KLHL13: variants seen among roughly 807,000 people sequenced by gnomAD.
The protein encoded by KLHL13 is kelch-like protein 13.
Under a neutral mutation model 37.1 loss-of-function variants are expected in KLHL13, and 10 were observed. That is an observed-to-expected ratio of 0.27 (90% confidence interval 0.17 to 0.46). KLHL13 has a LOEUF of 0.46. KLHL13 is among the 20% of genes least tolerant of loss of function. The pLI, the probability that KLHL13 is intolerant of heterozygous loss-of-function variation, is 1.00. For missense variants in KLHL13, 360 were observed against 509.3 expected (o/e 0.71, Z 2.82); for synonymous variants, 163 against 181.2 (o/e 0.90, Z 0.81).
intron 1 of KLHL13, among the ~76,000 whole-genome samples, chrX:118,036,349 C>G (rs188415991): frequency 3.6e-5 from 4 of 112,166 alleles, no homozygotes; most frequent in Admixed American, 2.8e-4. Context: ...AACTATACTA[C>G]AAGGCTACAG....
At chrX:118,046,433 T>C (rs758701954) in intron 1 of KLHL13, among the ~76,000 whole-genome samples, 9 of 111,818 alleles carry the variant, frequency 8.0e-5, no homozygotes, top group Non-Finnish European at 1.3e-4. Flanking sequence ...GGTTAATGAG[T>C]ACAAAACTAC....
intron 1 of KLHL13, among the ~76,000 whole-genome samples, chrX:118,108,441 T>C (rs2055369516): frequency 8.9e-6 from 1 of 112,390 alleles, no homozygotes; most frequent in African/African-American, 3.2e-5. Flanking sequence ...TTCACTTGCC[T>C]TTTTCTTCTT....
intron 1 of KLHL13, among the ~76,000 whole-genome samples, chrX:118,024,429 T>G (rs1264547646): frequency 9.0e-6 from 1 of 111,668 alleles, no homozygotes; most frequent in African/African-American, 3.3e-5. Flanking sequence ...AAAGAACTAC[T>G]GCTCATCAAA....
intron 1 of KLHL13, among the ~76,000 whole-genome samples, chrX:118,068,495 G>A (rs187156795): frequency 4.5e-5 from 5 of 111,007 alleles, no homozygotes; most frequent in Non-Finnish European, 9.5e-5. Flanking sequence ...GATAACCTGG[G>A]AACCAGAAGG....
intron 1 of KLHL13, among the ~76,000 whole-genome samples, chrX:118,087,345 A>AGAT (rs1437498351): frequency 9.1e-6 from 1 of 110,037 alleles, no homozygotes; most frequent in African/African-American, 3.3e-5. Flanking sequence ...CCGAGGTGAC[A>AGAT]TCTAACTCTT....
chrX:118,031,341 T>C (rs1486498526), intron 1 of KLHL13, among the ~76,000 whole-genome samples: 1 of 105,632 alleles, frequency 9.5e-6, no homozygotes, highest in Non-Finnish European at 1.9e-5. Flanking sequence ...CTCTTTTTCA[T>C]GAAGTTAGGA....
intron 1 of KLHL13, among the ~76,000 whole-genome samples, chrX:118,068,595 C>G (rs927553691): frequency 9.0e-6 from 1 of 110,786 alleles, no homozygotes; most frequent in African/African-American, 3.3e-5. Context: ...TACTGGGGTC[C>G]CCTGCAGTCC....
In KLHL13 at chrX:117,947,028, G is replaced by T. The variant is rs376074224; in HGVS notation, c.99-1453C>A. Reference sequence around the variant, plus strand: ...TCTGATAGATATTTAATAAAGAAGAGAATAACTTAAGATTTTAAAAAGCAT... The same window carrying T: ...TCTGATAGATATTTAATAAAGAAGATAATAACTTAAGATTTTAAAAAGCAT... On this transcript the variant is annotated intron_variant, in intron 1 of 6. Transcript: ENST00000262820. 34 of 111,908 alleles carry T rather than the reference G, an allele frequency of 3.0e-4. No homozygotes were observed. The East Asian group carries it at 5.3e-3, about 17-fold the overall frequency. 9.2% of individuals were successfully genotyped at this position (111,908 alleles called of 1,213,427 possible).
intron 2 of KLHL13, among the ~76,000 whole-genome samples, chrX:117,930,697 C>T (rs985829384): frequency 1.8e-5 from 2 of 111,455 alleles, no homozygotes; most frequent in Non-Finnish European, 3.8e-5. Context: ...TAAAGATGCA[C>T]AGTCAATTCG....
At chrX:118,052,613 G>T (rs1222754601) in intron 1 of KLHL13, among the ~76,000 whole-genome samples, 1 of 108,776 alleles carries the variant, frequency 9.2e-6, no homozygotes, top group Non-Finnish European at 1.9e-5. Flanking sequence ...AGATCATGAG[G>T]TCAGGAGTTT....
At chrX:117,951,381 A>G (rs1476537993) in intron 1 of KLHL13, among the ~76,000 whole-genome samples, 2 of 112,068 alleles carry the variant, frequency 1.8e-5, no homozygotes, top group African/African-American at 6.5e-5. Flanking sequence ...TTTCTTTTTC[A>G]AATACCAACA....
chrX:117,933,990 T>A (rs755275411), intron 2 of KLHL13, among the ~76,000 whole-genome samples: 5 of 111,195 alleles, frequency 4.5e-5, no homozygotes, highest in Non-Finnish European at 9.4e-5. Flanking sequence ...TGCAGCAACA[T>A]GGATACTGCT....
chrX:118,050,149 G>T (rs1040205525), intron 1 of KLHL13, among the ~76,000 whole-genome samples: 3 of 111,659 alleles, frequency 2.7e-5, no homozygotes, highest in African/African-American at 9.8e-5. Context: ...GCCTCCCAAA[G>T]TGTTGGGATT....
chrX:117,962,286 A>G lies in KLHL13; in HGVS notation c.98+10445T>C, dbSNP rs1736008568. On this transcript the variant is annotated intron_variant, in intron 1 of 6. Transcript: ENST00000262820. ...TTTGCAGTAATTTGATATGGCAGCA[A>G]TAGAAAAGAAATACATAGAGGTTTG... is the stretch of plus-strand genomic sequence containing the variant. 3.7e-5 allele frequency among the ~76,000 whole-genome samples: 4 copies of G among 107,878 alleles called. No homozygotes were observed. The South Asian group carries it at 1.6e-3, about 44-fold the overall frequency. 93.7% of individuals were successfully genotyped at this position (107,878 alleles called of 115,157 possible).
At chrX:117,960,834 T>C (rs2053282879) in intron 1 of KLHL13, among the ~76,000 whole-genome samples, 1 of 111,964 alleles carries the variant, frequency 8.9e-6, no homozygotes, top group African/African-American at 3.2e-5. Flanking sequence ...CTTTAGTACT[T>C]TTTAAATGGC....
intron 1 of KLHL13, among the ~76,000 whole-genome samples, chrX:118,044,675 G>A (rs59817435): frequency 0.054 from 5,967 of 111,312 alleles, 396 homozygotes; most frequent in African/African-American, 0.18. Flanking sequence ...GAGAAAACTG[G>A]GTATCCATAT....
At chrX:118,001,867 T>TC (rs2053924719) in intron 1 of KLHL13, among the ~76,000 whole-genome samples, 3 of 58,379 alleles carry the variant, frequency 5.1e-5, no homozygotes, top group African/African-American at 2.7e-4. Context: ...CAAGACCCCG[T>TC]CAAAAAAAAA....
At position 117,909,605 on chromosome X, in the gene KLHL13, A is replaced by C. The variant is rs756871878; in HGVS notation, c.1062T>G (p.Val354=). Residue 354 remains valine, a synonymous_variant, in exon 5 of 7, where the codon GTT becomes GTG. Transcript: ENST00000262820. ...CATACATGCGCAATTCCTTACTGAC[A>C]ACCAGCTGCTGCCTCAGCACTCCTC... The C allele has an allele frequency of 2.5e-6, 3 of 1,211,618 alleles. No individual in the cohort carries two copies. In the South Asian group the frequency reaches 5.3e-5, roughly 21 times the overall value.
intron 2 of KLHL13, among the ~76,000 whole-genome samples, chrX:117,933,029 G>T (rs755822562): frequency 8.2e-5 from 9 of 110,158 alleles, no homozygotes; most frequent in African/African-American, 3.0e-4. Flanking sequence ...GAAATGAAAT[G>T]TCTATTCAGG....
Sources: allele counts gnomAD v4.1 joint callset (sites outside exome capture counted in the v4.1 genomes callset), GRCh38; gene constraint gnomAD v4.1.1; transcripts MANE v1.5; gene names NCBI Gene and HGNC (gene_info 2026-07-23, HGNC 2026-07-21).